The following C2orf76 variants were observed in gnomAD, a reference collection of about 807,000 sequenced individuals.
C2orf76 encodes the protein chromosome 2 open reading frame 76, also known as UPF0538 protein C2orf76.
Under a neutral mutation model 16.9 loss-of-function variants are expected in C2orf76, and 23 were observed. The observed-to-expected ratio is 1.36, with a 90% confidence interval of 0.98 to 1.93. The LOEUF (loss-of-function observed/expected upper bound fraction) is 1.93. C2orf76 is among the 30% of genes most tolerant of loss of function. The pLI is 0.00. For synonymous variants in C2orf76, 48 were observed against 52.3 expected (o/e 0.92, Z 0.35); for missense variants, 152 against 152.6 (o/e 1.00, Z 0.02).
chr2:119,322,927 T>A (rs1173800611), intron 2 of C2orf76, among the ~76,000 whole-genome samples: 1 of 152,146 alleles, frequency 6.6e-6, no homozygotes, highest in Non-Finnish European at 1.5e-5. Flanking sequence ...TTCACTATAT[T>A]CCTTTCCACA....
chr2:119,312,871 C>T (rs1485072982), intron 4 of C2orf76, among the ~76,000 whole-genome samples: 1 of 151,738 alleles, frequency 6.6e-6, no homozygotes, highest in Non-Finnish European at 1.5e-5. Context: ...ATTAAAAATA[C>T]AAAAAAATTA....
intron 2 of C2orf76, among the ~76,000 whole-genome samples, chr2:119,322,466 C>T (rs967165704): frequency 6.6e-6 from 1 of 152,080 alleles, no homozygotes; most frequent in Non-Finnish European, 1.5e-5. Context: ...CCTTGGCCTC[C>T]CAAAGTGCTG....
intron 1 of C2orf76, chr2:119,366,257 A>G (rs973117810): frequency 5.3e-6 from 2 of 375,848 alleles, no homozygotes; most frequent in Non-Finnish European, 1.1e-5. Flanking sequence ...CAGGAGTTCA[A>G]TAAACAGCCA....
chr2:119,337,791 T>G (rs1269760202), intron 2 of C2orf76, among the ~76,000 whole-genome samples: 1 of 152,112 alleles, frequency 6.6e-6, no homozygotes, highest in Non-Finnish European at 1.5e-5. Context: ...AAGGTGTGAG[T>G]AGGTGGGTCT....
At chr2:119,346,909 C>A (rs1680221716) in intron 1 of C2orf76, among the ~76,000 whole-genome samples, 1 of 152,108 alleles carries the variant, frequency 6.6e-6, no homozygotes, top group Admixed American at 6.6e-5. Context: ...AAGGTGTTGC[C>A]AATGGGGGAA....
rs1475145142 is a variant in C2orf76 at position 119,311,668 on chromosome 2, T to C, written c.258A>G (p.Glu86=). The change falls in exon 5 of 6, where the codon GAA becomes GAG. Residue 86 remains glutamate (E), a synonymous_variant. Coordinates refer to ENST00000334816, the MANE Select transcript of C2orf76 (RefSeq NM_001322331.2). ...NELVLSLEDD[E]RLLLKEDSTL... ...TGCTGTCTTCTTTCAGCAGGAGTCT[T>C]TCGTCATCTTCCAAACTCAACACAA... The C allele has an allele frequency of 7.4e-6, 12 of 1,612,850 alleles. No homozygotes were observed. Among genetic ancestry groups the C allele is most frequent in the Non-Finnish European group, 1.0e-5 (12 of 1,179,894 alleles).
At chr2:119,366,249 G>T (rs368164262) in intron 1 of C2orf76, 1 of 373,502 alleles carries the variant, frequency 2.7e-6, no homozygotes. Context: ...TTACCCAACA[G>T]GAGTTCAATA....
rs1238163781 is a variant in C2orf76 at position 119,302,418 on chromosome 2, A to G, written c.*54T>C. ...TGTTTGTCAATTTCAAAAATTCAGC[A>G]GTGGAATAAAGAGCTTAATACAGGT... On this transcript the variant is annotated 3_prime_UTR_variant, in exon 6 of 6. Transcript: ENST00000334816. 3 of 669,762 alleles carry G rather than the reference A, an allele frequency of 4.5e-6. No homozygotes were observed. Among genetic ancestry groups the G allele is most frequent in the Non-Finnish European group, 7.6e-6 (3 of 394,158 alleles). The allele number at this position is 669,762 out of a possible 1,614,324, so 41.5% of individuals were successfully genotyped here.
chr2:119,313,519 C>T (rs1238785985), intron 4 of C2orf76, among the ~76,000 whole-genome samples: 1 of 151,978 alleles, frequency 6.6e-6, no homozygotes, highest in Admixed American at 6.6e-5. Context: ...TATCTTGATC[C>T]TGGGAGGTAG....
intron 4 of C2orf76, among the ~76,000 whole-genome samples, chr2:119,313,431 A>G (rs1371928961): frequency 6.6e-6 from 1 of 152,044 alleles, no homozygotes; most frequent in East Asian, 1.9e-4. Context: ...CTACAAAAAA[A>G]AAAAGTTTTA....
chr2:119,366,734 A>C, intron 1 of C2orf76, 56 bp downstream of exon 1: 1 of 522,352 alleles, frequency 1.9e-6, no homozygotes, highest in Non-Finnish European at 3.4e-6. Context: ...GACTGAACCC[A>C]ACTCTCGACC....
intron 2 of C2orf76, among the ~76,000 whole-genome samples, chr2:119,330,411 T>C (rs1237780611): frequency 6.6e-6 from 1 of 152,114 alleles, no homozygotes; most frequent in African/African-American, 2.4e-5. Flanking sequence ...CTGATTCTGA[T>C]GAGAAGTTGG....
chr2:119,296,515 C>T, the C2orf76 span, among the ~76,000 whole-genome samples: 5 of 152,192 alleles, frequency 3.3e-5, no homozygotes, highest in Non-Finnish European at 7.3e-5. Flanking sequence ...CTCAGGCCCA[C>T]GATGCCCCAA....
chr2:119,294,887 G>A, the C2orf76 span, among the ~76,000 whole-genome samples: 3 of 152,100 alleles, frequency 2.0e-5, no homozygotes, highest in Admixed American at 2.0e-4. Flanking sequence ...GGGCAGCAAG[G>A]GTCTAGGCAG....
chr2:119,367,037 T>G (rs1236693166), upstream of C2orf76: 11 of 1,614,082 alleles, frequency 6.8e-6, no homozygotes, highest in Non-Finnish European at 9.3e-6. Context: ...CTGGAGTTCT[T>G]GCAAGTCGGC....
chr2:119,302,535 T>C lies in C2orf76; in HGVS notation c.318A>G (p.Glu106=), dbSNP rs777115294. 2 of 1,494,426 alleles carry C rather than the reference T, an allele frequency of 1.3e-6. No individual in the cohort carries two copies. The highest frequency in any genetic ancestry group is 1.8e-4 in the Middle Eastern group (1 of 5,696). 92.6% of individuals were successfully genotyped at this position (1,494,426 alleles called of 1,614,324 possible). A position where few individuals can be genotyped will look rare whatever the true frequency, so the allele number is the denominator to read the frequency against. Residue 106 remains glutamate, a synonymous_variant, in exon 6 of 6, where the codon GAA becomes GAG. Coordinates refer to ENST00000334816, the MANE Select transcript of C2orf76 (RefSeq NM_001322331.2). ...LKAAGIASET[E]IAFFCEEDYK... is the part of the protein sequence containing the mutation. The stretch of plus-strand genomic sequence containing the variant: ...AATCTTCTTCACAGAAGAATGCAAT[T>C]TCAGTTTCACTGGCTGAAAAAAAAC...
At chr2:119,335,684 T>C (rs773724594) in intron 2 of C2orf76, among the ~76,000 whole-genome samples, 2 of 152,210 alleles carry the variant, frequency 1.3e-5, no homozygotes, top group African/African-American at 2.4e-5. Context: ...AAAGAGTAAC[T>C]TTACAGTAGA....
At chr2:119,315,257 G>T (rs1265219642) in intron 4 of C2orf76, among the ~76,000 whole-genome samples, 1 of 152,148 alleles carries the variant, frequency 6.6e-6, no homozygotes, top group Non-Finnish European at 1.5e-5. Flanking sequence ...TTTATTGTGG[G>T]AATGGGAAGA....
chr2:119,366,969 C>A, upstream of C2orf76: 3 of 1,582,968 alleles, frequency 1.9e-6, no homozygotes, highest in South Asian at 1.1e-5. Flanking sequence ...CCTCTAAAGG[C>A]GCTTGCCAGT....
Sources: gnomAD v4.1 joint callset for allele counts (sites outside exome capture counted in the v4.1 genomes callset) on GRCh38, gnomAD v4.1.1 for gene constraint, MANE v1.5 for transcripts, NCBI Gene and HGNC (gene_info 2026-07-23, HGNC 2026-07-21) for gene names.